Variants in RAPGEF5 observed in about 807,000 individuals in gnomAD.
RAPGEF5 encodes the protein M-Ras-regulated GEF.
RAPGEF5 carries 65 observed loss-of-function variants against 125.2 expected under a neutral mutation model. That is an observed-to-expected ratio of 0.52 (90% confidence interval 0.43 to 0.64). RAPGEF5 has a LOEUF of 0.64. Among genes scored for constraint, RAPGEF5 ranks in the 30% least tolerant of loss-of-function variants. The pLI is 0.00. For missense variants in RAPGEF5, 958 were observed against 1,048.1 expected, an observed-to-expected ratio of 0.91 and a Z score of 1.19; for synonymous variants, 391 against 385.9, an observed-to-expected ratio of 1.01 and a Z score of -0.16.
chr7:22,216,356 T>C (rs910551743), intron 9 of RAPGEF5, among the ~76,000 whole-genome samples: 5 of 152,170 alleles, frequency 3.3e-5, no homozygotes, highest in African/African-American at 1.2e-4. Flanking sequence ...AGCTTACCAG[T>C]CTTTCATAAT....
intron 16 of RAPGEF5, among the ~76,000 whole-genome samples, chr7:22,155,602 A>G (rs1783779189): frequency 6.6e-6 from 1 of 152,234 alleles, no homozygotes; most frequent in African/African-American, 2.4e-5. Context: ...TCTAACTATG[A>G]GTTTATATGT....
intron 6 of RAPGEF5, among the ~76,000 whole-genome samples, chr7:22,268,790 A>C (rs923690329): frequency 6.6e-6 from 1 of 152,206 alleles, no homozygotes; most frequent in Admixed American, 6.5e-5. Context: ...CCTTTATGGG[A>C]TTCTCAGTTT....
intron 12 of RAPGEF5, among the ~76,000 whole-genome samples, chr7:22,164,090 T>C (rs1235597903): frequency 3.3e-5 from 5 of 151,744 alleles, no homozygotes; most frequent in African/African-American, 1.2e-4. Context: ...TCCCAGCGCT[T>C]TGGGAGGCTG....
intron 1 of RAPGEF5, among the ~76,000 whole-genome samples, chr7:22,325,377 G>A (rs984169769): frequency 1.3e-5 from 2 of 152,054 alleles, no homozygotes; most frequent in African/African-American, 4.8e-5. Flanking sequence ...CTGCCAAGTG[G>A]TAAAGCATGA....
chr7:22,207,118 A>G (rs1785415918), intron 9 of RAPGEF5, among the ~76,000 whole-genome samples: 1 of 152,216 alleles, frequency 6.6e-6, no homozygotes, highest in Non-Finnish European at 1.5e-5. Context: ...CAAAGATAAC[A>G]TAGTTTCTCC....
chr7:22,203,755 C>T (rs577344011), intron 9 of RAPGEF5, among the ~76,000 whole-genome samples: 1 of 152,266 alleles, frequency 6.6e-6, no homozygotes, highest in African/African-American at 2.4e-5. Context: ...TGCTGTGGAC[C>T]AGGGCTCCTC....
At chr7:22,332,117 C>CA (rs959071580) in intron 1 of RAPGEF5, among the ~76,000 whole-genome samples, 1 of 150,896 alleles carries the variant, frequency 6.6e-6, no homozygotes, top group African/African-American at 2.4e-5. Flanking sequence ...CAATTAAAAG[C>CA]AAAAAAAAAT....
intron 1 of RAPGEF5, among the ~76,000 whole-genome samples, chr7:22,354,788 C>A (rs1445541253): frequency 6.6e-6 from 1 of 152,116 alleles, no homozygotes; most frequent in African/African-American, 2.4e-5. Context: ...AGGAAGAGAG[C>A]CCTCACCAGA....
chr7:22,265,938 C>T (rs1782272201), intron 7 of RAPGEF5, among the ~76,000 whole-genome samples: 1 of 152,128 alleles, frequency 6.6e-6, no homozygotes, highest in South Asian at 2.1e-4. Flanking sequence ...GATTGCTATT[C>T]CTTGCATCCT....
chr7:22,136,037 C>G lies in RAPGEF5; in HGVS notation c.2416+1G>C. 6.3e-7 allele frequency: 1 copy of G among 1,588,098 alleles called. No homozygotes were observed. The highest frequency in any genetic ancestry group is 8.6e-7 in the Non-Finnish European group (1 of 1,158,480). ...TGGCATAAAAGATAGAAAATCATTA[C>G]CTTTAAGCAATAAGGGCATGAAAGG... On this transcript the variant is annotated splice_donor_variant, in intron 23 of 25. Coordinates refer to ENST00000665637, the MANE Select transcript of RAPGEF5 (RefSeq NM_012294.5). LOFTEE classifies it high-confidence loss of function.
intron 7 of RAPGEF5, among the ~76,000 whole-genome samples, chr7:22,259,544 A>C (rs1381858430): frequency 6.6e-6 from 1 of 152,228 alleles, no homozygotes; most frequent in African/African-American, 2.4e-5. Flanking sequence ...TTCACACAAA[A>C]ATCTGCATAT....
At chr7:22,335,234 G>A (rs1040528400) in intron 1 of RAPGEF5, among the ~76,000 whole-genome samples, 1 of 152,164 alleles carries the variant, frequency 6.6e-6, no homozygotes, top group African/African-American at 2.4e-5. Flanking sequence ...GTTTCAACGA[G>A]GCAAGTGGAT....
intron 7 of RAPGEF5, among the ~76,000 whole-genome samples, chr7:22,257,979 T>C (rs879689162): frequency 6.6e-6 from 1 of 152,186 alleles, no homozygotes; most frequent in Non-Finnish European, 1.5e-5. Context: ...AAAGGAATTA[T>C]ATGCATTGGT....
At chr7:22,265,941 T>C (rs1035366736) in intron 7 of RAPGEF5, among the ~76,000 whole-genome samples, 1 of 152,142 alleles carries the variant, frequency 6.6e-6, no homozygotes, top group African/African-American at 2.4e-5. Context: ...TGCTATTCCT[T>C]GCATCCTCCT....
intron 5 of RAPGEF5, among the ~76,000 whole-genome samples, chr7:22,297,335 C>T (rs1783085556): frequency 6.6e-6 from 1 of 152,082 alleles, no homozygotes; most frequent in Non-Finnish European, 1.5e-5. Context: ...AGATAGAGTC[C>T]ACCAATATAG....
intron 25 of RAPGEF5, among the ~76,000 whole-genome samples, chr7:22,123,168 C>T (rs1462628222): frequency 6.6e-6 from 1 of 152,118 alleles, no homozygotes; most frequent in African/African-American, 2.4e-5. Flanking sequence ...CAGAGAAGGA[C>T]AAGACAAGGG....
chr7:22,169,836 T>G (rs13223956), intron 11 of RAPGEF5, among the ~76,000 whole-genome samples: 1 of 133,124 alleles, frequency 7.5e-6, no homozygotes, highest in Admixed American at 8.0e-5. Flanking sequence ...CTCTAGCCTG[T>G]GCAACAGAGC....
intron 24 of RAPGEF5, among the ~76,000 whole-genome samples, chr7:22,127,925 T>C (rs527509393): frequency 2.6e-4 from 40 of 152,376 alleles, no homozygotes; most frequent in African/African-American, 9.1e-4. Context: ...ACAGTGATTA[T>C]TGCAGTAGCT....
intron 6 of RAPGEF5, among the ~76,000 whole-genome samples, chr7:22,284,802 T>C (rs879593795): frequency 1.3e-5 from 2 of 152,150 alleles, no homozygotes; most frequent in Non-Finnish European, 2.9e-5. Context: ...AAAAGGCAGA[T>C]AGCCAGGAAA....
Sources: allele counts gnomAD v4.1 joint callset (sites outside exome capture counted in the v4.1 genomes callset), GRCh38; gene constraint gnomAD v4.1.1; transcripts MANE v1.5; gene names NCBI Gene and HGNC (gene_info 2026-07-23, HGNC 2026-07-21).